Variants in IQCJ observed in about 807,000 individuals in gnomAD.
IQCJ encodes the protein IQ motif containing J.
A neutral mutation model predicts 11.0 loss-of-function variants in IQCJ; 9 were observed. The observed-to-expected ratio is 0.82, with a 90% CI of 0.49 to 1.43. The LOEUF is 1.43. Among genes scored for constraint, IQCJ ranks in the 40% most tolerant of loss-of-function variants. The pLI is 0.00. For missense variants in IQCJ, 146 were observed against 133.2 expected, an observed-to-expected ratio of 1.10 and a Z score of -0.47; for synonymous variants, 55 against 51.3, an observed-to-expected ratio of 1.07 and a Z score of -0.31.
downstream of IQCJ, chr3:159,265,326 C>G: frequency 6.2e-7 from 1 of 1,613,858 alleles, no homozygotes; most frequent in Non-Finnish European, 8.5e-7. Context: ...CCTTGACCAG[C>G]TTGCCAGACC....
At chr3:159,198,828 TAAA>T (rs896927499) in intron 1 of IQCJ, among the ~76,000 whole-genome samples, 2 of 152,052 alleles carry the variant, frequency 1.3e-5, no homozygotes, top group East Asian at 3.9e-4. Flanking sequence ...TGAATTTAAG[TAAA>T]AAAAGAGAGA....
chr3:159,243,927 G>A (rs1224315152), intron 1 of IQCJ, among the ~76,000 whole-genome samples: 2 of 152,112 alleles, frequency 1.3e-5, no homozygotes, highest in East Asian at 3.9e-4. Flanking sequence ...TTGAAAGTGG[G>A]GTCAATAAGA....
Position 159,259,515 on chromosome 3 carries a change from G to A in IQCJ, c.156-3033G>A, listed in dbSNP as rs1337056570. On this transcript the variant is annotated intron_variant, in intron 3 of 3. Coordinates refer to ENST00000397832, the MANE Select transcript of IQCJ (RefSeq NM_001042706.3). ...TAAATCTAGGAGAAGAAGGCTGAAA[G>A]TGATTCCTTATGATTGAGAGATGAG... Among the ~76,000 whole-genome samples, 2 of 152,182 alleles carry A rather than the reference G, an allele frequency of 1.3e-5. 1 individual carries two copies. Among genetic ancestry groups the A allele is most frequent in the African/African-American group, 4.8e-5 (2 of 41,456 alleles).
rs9838749 is a variant in IQCJ at position 159,230,793 on chromosome 3, T to C, written c.10-15050T>C. On this transcript the variant is annotated intron_variant, in intron 1 of 3. Transcript: ENST00000397832. Reference sequence around the variant, plus strand: ...ATATTAATTTAAAAATTACACGATATTCACTTTCTGTCTTATCCAGGGTAG... The same window carrying C: ...ATATTAATTTAAAAATTACACGATACTCACTTTCTGTCTTATCCAGGGTAG... Among the ~76,000 whole-genome samples the C allele has an allele frequency of 7.2e-4, 109 of 152,356 alleles. 1 individual carries two copies. The highest frequency in any genetic ancestry group is 2.3e-3 in the African/African-American group (96 of 41,580).
At chr3:159,086,681 T>A (rs1279334354) in intron 1 of IQCJ, among the ~76,000 whole-genome samples, 5 of 151,952 alleles carry the variant, frequency 3.3e-5, no homozygotes, top group Non-Finnish European at 5.9e-5. Context: ...TTGAAGCAAT[T>A]GTGAATGGGA....
chr3:159,232,808 G>A (rs1203604466), intron 1 of IQCJ, among the ~76,000 whole-genome samples: 1 of 152,032 alleles, frequency 6.6e-6, no homozygotes, highest in Non-Finnish European at 1.5e-5. Context: ...ATCTAATATT[G>A]ACAGTGGGGT....
At chr3:159,218,135 A>G (rs1725337193) in intron 1 of IQCJ, among the ~76,000 whole-genome samples, 1 of 151,978 alleles carries the variant, frequency 6.6e-6, no homozygotes, top group Non-Finnish European at 1.5e-5. Context: ...AAACAATCCT[A>G]TGTAGTAGTT....
chr3:159,261,883 G>A (rs1728230769), intron 3 of IQCJ, among the ~76,000 whole-genome samples: 1 of 152,208 alleles, frequency 6.6e-6, no homozygotes. Context: ...CGTAACACTT[G>A]AATAATCTTT....
In IQCJ at chr3:159,255,060, T is replaced by G. The variant is rs141904466; in HGVS notation, c.155+2253T>G. Among the ~76,000 whole-genome samples, 183 of 152,326 alleles carry G rather than the reference T, an allele frequency of 1.2e-3. 1 individual carries two copies. Among genetic ancestry groups the G allele is most frequent in the African/African-American group, 4.3e-3 (180 of 41,584 alleles). The stretch of plus-strand genomic sequence containing the variant: ...ATATTCTCATTCCTGCTTTCCAAGA[T>G]AAGTTTTTTTAGTCCTGAAGAGCAT... On this transcript the variant is annotated intron_variant, in intron 3 of 3. Coordinates refer to ENST00000397832, the MANE Select transcript of IQCJ (RefSeq NM_001042706.3).
chr3:159,100,259 T>C (rs1254147778), intron 1 of IQCJ, among the ~76,000 whole-genome samples: 4 of 88 alleles, frequency 0.045, 1 homozygote, highest in African/African-American at 0.29. Context: ...TTATTCTAGT[T>C]ATACATTCTT....
intron 1 of IQCJ, among the ~76,000 whole-genome samples, chr3:159,232,451 CTTTTTTTTTTTTT>C (rs35423818): frequency 1.1e-4 from 9 of 83,762 alleles, no homozygotes; most frequent in African/African-American, 3.3e-4. Flanking sequence ...GAGAGACTTT[CTTTTTTTTTTTTT>C]TTTTTTTTTT....
chr3:159,168,291 G>A (rs1722290458), intron 1 of IQCJ, among the ~76,000 whole-genome samples: 1 of 152,138 alleles, frequency 6.6e-6, no homozygotes, highest in Non-Finnish European at 1.5e-5. Flanking sequence ...AGTGACTGAA[G>A]AAACTTCTTG....
At chr3:159,161,356 T>C (rs186726992) in intron 1 of IQCJ, among the ~76,000 whole-genome samples, 4,408 of 152,300 alleles carry the variant, frequency 0.029, 205 homozygotes, top group African/African-American at 0.1. Flanking sequence ...TCATGTCCTT[T>C]GCCCACTTTT....
chr3:159,080,646 C>T (rs1716247508), intron 1 of IQCJ, among the ~76,000 whole-genome samples: 2 of 152,102 alleles, frequency 1.3e-5, no homozygotes, highest in South Asian at 2.1e-4. Context: ...TTTATTATTA[C>T]ATTATTGGAT....
At chr3:159,258,935 G>C (rs1203415564) in intron 3 of IQCJ, among the ~76,000 whole-genome samples, 1 of 151,990 alleles carries the variant, frequency 6.6e-6, no homozygotes, top group Non-Finnish European at 1.5e-5. Flanking sequence ...CTTCCTGCCT[G>C]GTGTCTTCAC....
rs552760171 is a variant in IQCJ, at chr3:159,076,012, A to C, written c.9+6571A>C. On this transcript the variant is annotated intron_variant, in intron 1 of 3. Coordinates refer to ENST00000397832, the MANE Select transcript of IQCJ (RefSeq NM_001042706.3). ...TCTCCATCCTTGGGCCGCTCTTCTT[A>C]CCTTTCCTGGGCTCTCAAACTTTCC... is the stretch of plus-strand genomic sequence containing the variant. 1.1e-4 allele frequency among the ~76,000 whole-genome samples: 16 copies of C among 152,200 alleles called. No individual in the cohort carries two copies. The East Asian group carries it at 2.5e-3, about 24-fold the overall frequency.
chr3:159,129,383 C>T (rs1719864188), intron 1 of IQCJ, among the ~76,000 whole-genome samples: 1 of 152,204 alleles, frequency 6.6e-6, no homozygotes, highest in African/African-American at 2.4e-5. Context: ...CCCTAAGTAA[C>T]ATCTGCAAAT....
At chr3:159,104,446 A>G (rs1051250162) in intron 1 of IQCJ, among the ~76,000 whole-genome samples, 2 of 152,302 alleles carry the variant, frequency 1.3e-5, no homozygotes, top group Middle Eastern at 3.4e-3. Context: ...TGTAAGTGTA[A>G]TTGTATGTGT....
intron 1 of IQCJ, among the ~76,000 whole-genome samples, chr3:159,136,632 A>G (rs1720305618): frequency 6.6e-6 from 1 of 152,168 alleles, no homozygotes; most frequent in Non-Finnish European, 1.5e-5. Flanking sequence ...CACTTCCCTG[A>G]CAGCGGGGTT....
Sources: allele counts gnomAD v4.1 joint callset (sites outside exome capture counted in the v4.1 genomes callset), GRCh38; gene constraint gnomAD v4.1.1; transcripts MANE v1.5; gene names NCBI Gene and HGNC (gene_info 2026-07-23, HGNC 2026-07-21).